Variants in SLC2A13 observed in about 807,000 individuals in gnomAD.
SLC2A13 encodes the protein solute carrier family 2 member 13.
In SLC2A13, 32 loss-of-function variants were observed where a neutral mutation model predicts 64.4. The observed-to-expected ratio is 0.50, with a 90% CI of 0.37 to 0.67. SLC2A13 has a LOEUF of 0.67. Among genes scored for constraint, SLC2A13 ranks in the 30% least tolerant of loss-of-function variants. The pLI is 0.00. For synonymous variants in SLC2A13, 338 were observed against 327.1 expected, an observed-to-expected ratio of 1.03 and a Z score of -0.36; for missense variants, 743 against 829.2, an observed-to-expected ratio of 0.90 and a Z score of 1.28.
intron 3 of SLC2A13, among the ~76,000 whole-genome samples, chr12:39,987,908 T>C (rs1947057820): frequency 6.6e-6 from 1 of 152,214 alleles, no homozygotes; most frequent in South Asian, 2.1e-4. Context: ...TTTAATATAG[T>C]AAAACATTAA....
chr12:39,886,857 A>G (rs1944476509), intron 4 of SLC2A13, among the ~76,000 whole-genome samples: 1 of 152,214 alleles, frequency 6.6e-6, no homozygotes, highest in Non-Finnish European at 1.5e-5. Flanking sequence ...CTGATAAAAG[A>G]GGAAAAGAAG....
chr12:39,896,415 T>C (rs1332597815), intron 4 of SLC2A13, among the ~76,000 whole-genome samples: 2 of 118,354 alleles, frequency 1.7e-5, no homozygotes, highest in South Asian at 4.6e-4. Context: ...CATATATGTA[T>C]GTATATGTGT....
intron 3 of SLC2A13, among the ~76,000 whole-genome samples, chr12:39,981,001 G>A (rs940096646): frequency 2.6e-5 from 4 of 151,728 alleles, no homozygotes; most frequent in Non-Finnish European, 5.9e-5. Context: ...AATCAAACTA[G>A]AACTCAGGAT....
intron 4 of SLC2A13, among the ~76,000 whole-genome samples, chr12:39,889,733 T>C (rs1016032535): frequency 2.0e-5 from 3 of 152,014 alleles, no homozygotes; most frequent in Non-Finnish European, 4.4e-5. Context: ...GGTTTCACCA[T>C]GTTGGCCAGG....
intron 1 of SLC2A13, among the ~76,000 whole-genome samples, chr12:40,058,687 G>T (rs1293975577): frequency 3.9e-5 from 6 of 152,128 alleles, no homozygotes; most frequent in Admixed American, 3.9e-4. Flanking sequence ...GAAATGGCAG[G>T]CACTAATTAT....
rs12299697 is a variant in SLC2A13, at chr12:39,914,753, C to T, written c.1034+36504G>A. Among the ~76,000 whole-genome samples, 1,187 of 151,888 alleles carry T rather than the reference C, an allele frequency of 7.8e-3. 28 individuals carry two copies. The highest frequency in any genetic ancestry group is 0.027 in the African/African-American group (1,123 of 41,380). ...TATTTATTAAGGAGTGATGGAAAAA[C>T]GGACTCGCTGTGTAGAACTTGATTC... is the stretch of plus-strand genomic sequence containing the variant. On this transcript the variant is annotated intron_variant, in intron 4 of 9. Transcript: ENST00000280871.
chr12:40,014,173 G>A (rs948309231), intron 3 of SLC2A13, among the ~76,000 whole-genome samples: 1 of 152,130 alleles, frequency 6.6e-6, no homozygotes, highest in Non-Finnish European at 1.5e-5. Flanking sequence ...AGAAACATGT[G>A]TCAAATAATG....
chr12:39,867,472 A>C (rs1943939230), intron 5 of SLC2A13, among the ~76,000 whole-genome samples: 1 of 152,106 alleles, frequency 6.6e-6, no homozygotes, highest in Admixed American at 6.6e-5. Flanking sequence ...ACAAAAACAA[A>C]AACAAAAAAA....
intron 1 of SLC2A13, among the ~76,000 whole-genome samples, chr12:40,104,663 T>C (rs956390613): frequency 5.3e-5 from 8 of 152,044 alleles, no homozygotes; most frequent in South Asian, 4.1e-4. Flanking sequence ...TGAAAGGCAA[T>C]AGAAAAAGCA....
intron 6 of SLC2A13, 119 bp from the exon 7 acceptor site, chr12:39,830,347 G>A: frequency 5.5e-6 from 8 of 1,460,802 alleles, no homozygotes; most frequent in Non-Finnish European, 7.2e-6. Context: ...TGGGGCCTTG[G>A]GACTTGTTTT....
chr12:40,086,315 C>T (rs1592072349), intron 1 of SLC2A13, among the ~76,000 whole-genome samples: 3 of 151,912 alleles, frequency 2.0e-5, no homozygotes, highest in East Asian at 1.9e-4. Context: ...TCTGAATAAC[C>T]GGTTAATCTG....
intron 7 of SLC2A13, among the ~76,000 whole-genome samples, chr12:39,824,928 C>A (rs1269927458): frequency 6.6e-6 from 1 of 152,044 alleles, no homozygotes; most frequent in East Asian, 1.9e-4. Flanking sequence ...GACATAGAGA[C>A]AGGAAATTAT....
At position 39,832,273 on chromosome 12, in the gene SLC2A13, T is replaced by C. The variant is rs931730331; in HGVS notation, c.1320-2045A>G. ...AGATAATTTCTACTAGTATTTTGTT[T>C]TGTATTCTGCCCATATGAAGTTAAA... On this transcript the variant is annotated intron_variant, in intron 6 of 9. Transcript: ENST00000280871. 6.7e-4 allele frequency among the ~76,000 whole-genome samples: 102 copies of C among 152,256 alleles called. 1 individual carries two copies. The highest frequency in any genetic ancestry group is 1.8e-3 in the African/African-American group (76 of 41,566).
intron 4 of SLC2A13, among the ~76,000 whole-genome samples, chr12:39,915,036 A>C (rs1945500632): frequency 6.6e-6 from 1 of 151,956 alleles, no homozygotes; most frequent in Non-Finnish European, 1.5e-5. Context: ...AATACATAAG[A>C]CACATTTTCA....
Position 40,105,128 on chromosome 12 carries a change from A to T in SLC2A13, c.556+125T>A. ...AACAGATGGGCTCTGGAGGCCAGAGAAGTGGAGGATTCTCTGACCCTGGGA... is the reference window on the plus strand; with the variant it reads ...AACAGATGGGCTCTGGAGGCCAGAGTAGTGGAGGATTCTCTGACCCTGGGA... On this transcript the variant is annotated intron_variant, in intron 1 of 9. Coordinates refer to ENST00000280871, the MANE Select transcript of SLC2A13 (RefSeq NM_052885.4). The surrounding 1 kb of genome is among the most constrained non-coding windows in gnomAD (Gnocchi z 4.2). 3.2e-6 allele frequency: 4 copies of T among 1,267,108 alleles called. No individual in the cohort carries two copies. The highest frequency in any genetic ancestry group is 4.0e-6 in the Non-Finnish European group (4 of 1,000,330). 78.5% of individuals were successfully genotyped at this position (1,267,108 alleles called of 1,614,324 possible).
chr12:39,904,129 A>G (rs533076284), intron 4 of SLC2A13, among the ~76,000 whole-genome samples: 1 of 152,272 alleles, frequency 6.6e-6, no homozygotes, highest in African/African-American at 2.4e-5. Context: ...CAAGCTTCCA[A>G]GGGTTTCTAC....
chr12:39,964,962 AG>A (rs1946482075), intron 3 of SLC2A13, among the ~76,000 whole-genome samples: 2 of 152,164 alleles, frequency 1.3e-5, no homozygotes, highest in Non-Finnish European at 2.9e-5. Context: ...AGATTTCTAT[AG>A]GGAAAAAAAT....
chr12:39,946,861 C>G (rs1482377936), intron 4 of SLC2A13, among the ~76,000 whole-genome samples: 2 of 152,218 alleles, frequency 1.3e-5, no homozygotes, highest in Non-Finnish European at 2.9e-5. Context: ...TGCGTCCTCC[C>G]TTATGGCCAG....
chr12:39,971,185 A>G (rs1011470197), intron 3 of SLC2A13, among the ~76,000 whole-genome samples: 2 of 152,112 alleles, frequency 1.3e-5, no homozygotes, highest in African/African-American at 4.8e-5. Flanking sequence ...CATTTCGGGA[A>G]TAAGACAAAA....
Sources: allele counts gnomAD v4.1 joint callset (sites outside exome capture counted in the v4.1 genomes callset), GRCh38; gene constraint gnomAD v4.1.1; non-coding constraint Gnocchi (gnomAD v3.1); transcripts MANE v1.5; gene names NCBI Gene and HGNC (gene_info 2026-07-23, HGNC 2026-07-21).